Variants in FANCC observed in about 807,000 individuals in gnomAD.
The protein encoded by FANCC is FA complementation group C, also known as Fanconi anemia group C protein.
A neutral mutation model predicts 71.3 loss-of-function variants in FANCC; 55 were observed. The observed-to-expected ratio is 0.77, with a 90% CI of 0.62 to 0.97. FANCC has a LOEUF of 0.97. FANCC is among the 50% of genes least tolerant of loss of function. FANCC has a pLI of 0.00. For synonymous variants in FANCC, 275 were observed against 244.9 expected (o/e 1.12, Z -1.15); for missense variants, 678 against 670.9 (o/e 1.01, Z -0.12).
chr9:95,253,664 T>A (rs1831486891), intron 1 of FANCC, among the ~76,000 whole-genome samples: 1 of 152,266 alleles, frequency 6.6e-6, no homozygotes, highest in South Asian at 2.1e-4. Flanking sequence ...TTTTAAAAAA[T>A]TTTTTATTCC....
At chr9:95,115,319 G>A (rs2072305528) in intron 11 of FANCC, among the ~76,000 whole-genome samples, 1 of 152,150 alleles carries the variant, frequency 6.6e-6, no homozygotes, top group Admixed American at 6.5e-5. Context: ...GGGAAATGCC[G>A]GGTTGCGGAT....
chr9:95,267,279 T>C (rs1033765528), intron 1 of FANCC, among the ~76,000 whole-genome samples: 3 of 152,146 alleles, frequency 2.0e-5, no homozygotes, highest in Non-Finnish European at 4.4e-5. Context: ...CGCAGCATCC[T>C]TGCCTCCTAT....
chr9:95,110,789 A>G (rs2071855555), intron 13 of FANCC: 8 of 1,118,978 alleles, frequency 7.1e-6, no homozygotes, highest in African/African-American at 1.6e-5. Flanking sequence ...CAATGCTTGC[A>G]AGGGAGGTGC....
intron 4 of FANCC, among the ~76,000 whole-genome samples, chr9:95,222,307 T>C (rs1829330074): frequency 6.6e-6 from 1 of 150,812 alleles, no homozygotes; most frequent in Non-Finnish European, 1.5e-5. Flanking sequence ...TTCTGAACAA[T>C]AAAAAGTAAT....
At chr9:95,250,962 G>A (rs1831294425) in intron 1 of FANCC, among the ~76,000 whole-genome samples, 2 of 152,198 alleles carry the variant, frequency 1.3e-5, no homozygotes, top group South Asian at 4.1e-4. Flanking sequence ...CTGCTTGCTG[G>A]AGTCTTGAAG....
At chr9:95,185,262 C>A (rs570849566) in intron 4 of FANCC, among the ~76,000 whole-genome samples, 25 of 152,252 alleles carry the variant, frequency 1.6e-4, no homozygotes, top group African/African-American at 5.5e-4. Flanking sequence ...GAATAATCTA[C>A]AATCGAAATG....
At chr9:95,292,760 T>C (rs1834124539) in intron 1 of FANCC, 1 of 1,455,954 alleles carries the variant, frequency 6.9e-7, no homozygotes, top group African/African-American at 1.4e-5. Context: ...CCAGAGGCCC[T>C]GACAGACCAT....
At chr9:95,182,921 G>C (rs1338627779) in intron 4 of FANCC, among the ~76,000 whole-genome samples, 2 of 151,998 alleles carry the variant, frequency 1.3e-5, no homozygotes, top group Non-Finnish European at 1.5e-5. Flanking sequence ...AGAGAAAAAA[G>C]GTGGGAAAAC....
intron 4 of FANCC, among the ~76,000 whole-genome samples, chr9:95,198,366 C>G (rs759075359): frequency 6.6e-6 from 1 of 152,220 alleles, no homozygotes; most frequent in African/African-American, 2.4e-5. Flanking sequence ...AATTTTCAGA[C>G]GTTCCACTGT....
At chr9:95,137,189 G>A (rs947109997) in intron 7 of FANCC, among the ~76,000 whole-genome samples, 1 of 152,180 alleles carries the variant, frequency 6.6e-6, no homozygotes, top group African/African-American at 2.4e-5. Context: ...GAGCTGGTGT[G>A]AAGCCCAGCA....
At chr9:95,193,850 G>A (rs1827253748) in intron 4 of FANCC, among the ~76,000 whole-genome samples, 1 of 152,198 alleles carries the variant, frequency 6.6e-6, no homozygotes, top group Non-Finnish European at 1.5e-5. Flanking sequence ...GAGCTACGGA[G>A]GGTCATTTCA....
intron 8 of FANCC, among the ~76,000 whole-genome samples, chr9:95,134,596 G>A (rs539458679): frequency 2.4e-4 from 36 of 152,348 alleles, no homozygotes; most frequent in African/African-American, 8.2e-4. Flanking sequence ...CAGAGGCTGC[G>A]GGACCATGGC....
intron 8 of FANCC, among the ~76,000 whole-genome samples, chr9:95,128,379 T>C (rs1467098107): frequency 1.3e-5 from 2 of 152,234 alleles, no homozygotes; most frequent in African/African-American, 2.4e-5. Context: ...GGCAGACAGA[T>C]AAGAGCTTGG....
intron 2 of FANCC, among the ~76,000 whole-genome samples, chr9:95,247,768 T>C (rs1200942736): frequency 6.6e-6 from 1 of 152,182 alleles, no homozygotes; most frequent in African/African-American, 2.4e-5. Context: ...ATCAATTGTG[T>C]TGCAAAATTA....
chr9:95,142,289 G>A (rs1588156085), intron 7 of FANCC, among the ~76,000 whole-genome samples: 1 of 151,692 alleles, frequency 6.6e-6, no homozygotes, highest in African/African-American at 2.4e-5. Context: ...CACCGTGCCC[G>A]GCCACCAACA....
chr9:95,256,886 C>CTAG (rs1291798031), intron 1 of FANCC, among the ~76,000 whole-genome samples: 1 of 151,976 alleles, frequency 6.6e-6, no homozygotes, highest in African/African-American at 2.4e-5. Context: ...GGTTGCAATG[C>CTAG]TAGTCTCTGA....
At chr9:95,225,750 AAAAC>A (rs1343468195) in intron 4 of FANCC, among the ~76,000 whole-genome samples, 5 of 152,220 alleles carry the variant, frequency 3.3e-5, no homozygotes, top group Non-Finnish European at 7.3e-5. Context: ...TAAAATGAAA[AAAAC>A]AAAATAAAAC....
intron 1 of FANCC, among the ~76,000 whole-genome samples, chr9:95,296,880 C>T (rs1177681713): frequency 6.6e-6 from 1 of 152,168 alleles, no homozygotes; most frequent in East Asian, 1.9e-4. Flanking sequence ...CAACTCATGG[C>T]TTTTATATAT....
chr9:95,188,152 C>T (rs527964500), intron 4 of FANCC, among the ~76,000 whole-genome samples: 10 of 152,304 alleles, frequency 6.6e-5, no homozygotes, highest in African/African-American at 2.4e-4. Context: ...TTAATGTCTT[C>T]TGTTTCATCA....
Sources: gnomAD v4.1 joint callset for allele counts (sites outside exome capture counted in the v4.1 genomes callset) on GRCh38, gnomAD v4.1.1 for gene constraint, MANE v1.5 for transcripts, NCBI Gene and HGNC (gene_info 2026-07-23, HGNC 2026-07-21) for gene names.